Variants in CDC6 observed in about 807,000 individuals in gnomAD.
CDC6 encodes the protein DNA replication factor CDC6.
Under a neutral mutation model 60.2 loss-of-function variants are expected in CDC6, and 46 were observed. The observed-to-expected ratio is 0.76, with a 90% CI of 0.60 to 0.98. The LOEUF (loss-of-function observed/expected upper bound fraction) is 0.98, where lower values mean the gene tolerates loss of function less well. CDC6 is among the 50% of genes least tolerant of loss of function. CDC6 has a pLI of 0.00. For missense variants in CDC6, 596 were observed against 652.9 expected (o/e 0.91, Z 0.95); for synonymous variants, 210 against 233.2 (o/e 0.90, Z 0.90).
Position 40,300,927 on chromosome 17 carries a change from AAGAAGGAGC to A in CDC6, c.1351_1359del (p.Glu451_Ala453del). ...GATGGTAACAGGATGACCTTGAGCC[AAGAAGGAGC>A]ACAAGATTCCTTCCCTCTTCAGCAG... On this transcript the variant is annotated inframe_deletion, in exon 10 of 12. Coordinates refer to ENST00000209728, the MANE Select transcript of CDC6 (RefSeq NM_001254.4). 1 of 1,613,888 alleles carries A rather than the reference AAGAAGGAGC, an allele frequency of 6.2e-7. No homozygotes were observed. The highest frequency in any genetic ancestry group is 1.1e-5 in the South Asian group (1 of 91,074).
intron 7 of CDC6, 129 bp from the exon 8 acceptor site, chr17:40,295,227 C>T (rs1476175829): frequency 1.4e-6 from 1 of 731,770 alleles, no homozygotes; most frequent in East Asian, 2.5e-5. Flanking sequence ...GAAGAAAAGG[C>T]ATCTTTTTAA....
chr17:40,293,541 A>G lies in CDC6; in HGVS notation c.746A>G (p.Glu249Gly). 6.2e-7 allele frequency: 1 copy of G among 1,613,884 alleles called. No individual in the cohort carries two copies. The highest frequency in any genetic ancestry group is 8.5e-7 in the Non-Finnish European group (1 of 1,179,756). ...GCTGTATTCCCAGCTATTGCTCAGG[A>G]GATTTGTCAGGAAGAGGTATCCAGG... ...AQAVFPAIAQ[E>G]ICQEEVSRPA... Residue 249 changes from glutamate to glycine, a missense_variant, in exon 5 of 12, where the codon GAG becomes GGG. Physicochemically the swap from Glu to Gly is moderately conservative, Grantham distance 98. Coordinates refer to ENST00000209728, the MANE Select transcript of CDC6 (RefSeq NM_001254.4).
In CDC6 at chr17:40,300,887, G is replaced by C. The variant is rs771509526; in HGVS notation, c.1309G>C (p.Val437Leu). Reference protein sequence around the residue: ...KRVGLIHISQVISEVDGNRMT... With the variant: ...KRVGLIHISQLISEVDGNRMT... ...GGTTGGTCTTATTCACATATCCCAA[G>C]TCATCTCAGAAGTTGATGGTAACAG... is the stretch of plus-strand genomic sequence containing the variant. The change falls in exon 10 of 12, where the codon GTC becomes CTC. Residue 437 changes from valine (V) to leucine (L), a missense_variant. Val to Leu is a conservative substitution (Grantham distance 32). Transcript: ENST00000209728. 3.7e-6 allele frequency: 6 copies of C among 1,614,000 alleles called. No homozygotes were observed. In the African/African-American group the frequency reaches 8.0e-5, roughly 22 times the overall value.
intron 8 of CDC6, among the ~76,000 whole-genome samples, chr17:40,296,127 A>G (rs1205181961): frequency 6.6e-6 from 1 of 152,154 alleles, no homozygotes; most frequent in East Asian, 1.9e-4. Context: ...CTATTGCTAG[A>G]TTGCATGATC....
intron 7 of CDC6, 23 bp from the exon 8 acceptor site, chr17:40,295,333 C>T: frequency 6.9e-7 from 1 of 1,455,134 alleles, no homozygotes; most frequent in Non-Finnish European, 9.7e-7. Context: ...TTCAAACTGT[C>T]ATCTTCTATG....
At chr17:40,293,721 G>A (rs1191180781) in intron 5 of CDC6, 90 bp downstream of exon 5, 6 of 1,113,476 alleles carry the variant, frequency 5.4e-6, no homozygotes, top group East Asian at 2.4e-5. Flanking sequence ...TCTCTCTGAA[G>A]GATAGTTACA....
At chr17:40,290,186 A>G (rs922823551) in intron 2 of CDC6, among the ~76,000 whole-genome samples, 6 of 152,200 alleles carry the variant, frequency 3.9e-5, no homozygotes, top group Non-Finnish European at 7.3e-5. Flanking sequence ...GTTACCTTGT[A>G]GTTACATGGT....
In CDC6 at chr17:40,304,236, C is replaced by T. The variant is rs1394210041; in HGVS notation, c.*2235C>T. The stretch of plus-strand genomic sequence containing the variant: ...GCAGTTGGAACAGGGTTGGTTCTGT[C>T]AATGATGCATGAAGCAGACTTAGTG... On this transcript the variant is annotated 3_prime_UTR_variant, in exon 12 of 12. Transcript: ENST00000209728. The T allele has an allele frequency of 6.6e-6, 1 of 152,240 alleles. No individual in the cohort carries two copies. The highest frequency in any genetic ancestry group is 1.9e-4 in the East Asian group (1 of 5,200). The allele number at this position is 152,240 out of a possible 1,614,324, so 9.4% of individuals were successfully genotyped here.
intron 11 of CDC6, 57 bp from the exon 12 acceptor site, chr17:40,301,855 G>T: frequency 8.5e-7 from 1 of 1,169,932 alleles, no homozygotes; most frequent in South Asian, 1.2e-5. Flanking sequence ...TTTGTATACT[G>T]ACAACTTTGC....
chr17:40,302,005 C>T lies in CDC6; in HGVS notation c.*4C>T. 6.7e-7 allele frequency: 1 copy of T among 1,499,800 alleles called. No individual in the cohort carries two copies. The highest frequency in any genetic ancestry group is 9.3e-7 in the Non-Finnish European group (1 of 1,075,694). The allele number at this position is 1,499,800 out of a possible 1,614,324, so 92.9% of individuals were successfully genotyped here. A position where few individuals can be genotyped will look rare whatever the true frequency, so the allele number is the denominator to read the frequency against. On this transcript the variant is annotated 3_prime_UTR_variant, in exon 12 of 12. Coordinates refer to ENST00000209728, the MANE Select transcript of CDC6 (RefSeq NM_001254.4). Reference sequence around the variant, plus strand: ...CTTAGCTACTGGATTGCCTTAAATTCTTCTCTTACACCCCACCCGAAAGTA... The same window carrying T: ...CTTAGCTACTGGATTGCCTTAAATTTTTCTCTTACACCCCACCCGAAAGTA...
intron 8 of CDC6, 75 bp downstream of exon 8, chr17:40,295,531 C>A: frequency 1.9e-6 from 2 of 1,026,242 alleles, no homozygotes; most frequent in Non-Finnish European, 1.5e-6. Flanking sequence ...TCATGTAACT[C>A]AAGTGAATGT....
At chr17:40,289,753 G>T (rs1373426916) in intron 2 of CDC6, among the ~76,000 whole-genome samples, 155 bp downstream of exon 2, 4 of 138,616 alleles carry the variant, frequency 2.9e-5, no homozygotes, top group African/African-American at 1.1e-4. Flanking sequence ...CCATCTCCCA[G>T]GCTGGAGTGC....
In CDC6 at chr17:40,294,009, C is replaced by T. The variant is rs4135013; in HGVS notation, c.896C>T (p.Thr299Met). The T allele has an allele frequency of 1.1e-3, 1,838 of 1,613,968 alleles. 20 individuals are homozygous for T. The African/African-American group carries it at 0.02, about 17-fold the overall frequency. ...AGCAAAGGCCAGGATGTATTGTACA[C>T]GCTATTTGAATGGCCATGGCTAAGC... ...LDSKGQDVLY[T>M]LFEWPWLSNS... is the part of the protein sequence containing the mutation. Residue 299 changes from threonine to methionine, a missense_variant, in exon 6 of 12, where the codon ACG (threonine) becomes ATG (methionine). By Grantham distance (81) the Thr-to-Met change is moderately conservative. Coordinates refer to ENST00000209728, the MANE Select transcript of CDC6 (RefSeq NM_001254.4).
In CDC6 at chr17:40,300,963, A is replaced by T. The variant is rs1285144249; in HGVS notation, c.1385A>T (p.Lys462Met). Residue 462 changes from lysine (K) to methionine (M), a missense_variant, in exon 10 of 12, where the codon AAG (lysine) becomes ATG (methionine). Physicochemically the swap from Lys to Met is moderately conservative, Grantham distance 95 (BLOSUM62 -1). Transcript: ENST00000209728. ...GAQDSFPLQQKILVCSLMLLI... is the reference protein window; with the variant it reads ...GAQDSFPLQQMILVCSLMLLI... ...CAAGATTCCTTCCCTCTTCAGCAGA[A>T]GATCTTGGTTTGCTCTTTGATGCTC... 6.2e-7 allele frequency: 1 copy of T among 1,614,100 alleles called. No individual in the cohort carries two copies. The highest frequency in any genetic ancestry group is 1.7e-5 in the Admixed American group (1 of 60,020).
chr17:40,291,669 G>A lies in CDC6; in HGVS notation c.660+1G>A. The A allele has an allele frequency of 6.2e-7, 1 of 1,612,958 alleles. No homozygotes were observed. Among genetic ancestry groups the A allele is most frequent in the South Asian group, 1.1e-5 (1 of 91,056 alleles). On this transcript the variant is annotated splice_donor_variant, in intron 4 of 11. Coordinates refer to ENST00000209728, the MANE Select transcript of CDC6 (RefSeq NM_001254.4). LOFTEE classifies it high-confidence loss of function. The stretch of plus-strand genomic sequence containing the variant: ...AAGCCGGATTCTGCAAGACCTCAAG[G>A]TACATTGAGAGTCTGAATTATGATA...
intron 6 of CDC6, 100 bp downstream of exon 6, chr17:40,294,156 C>T (rs1384211037): frequency 6.6e-6 from 7 of 1,066,958 alleles, no homozygotes; most frequent in South Asian, 1.3e-5. Context: ...AACCAGCTTT[C>T]TGCCGTGTCA....
Position 40,303,250 on chromosome 17 carries a change from AG to A in CDC6, c.*1254del, listed in dbSNP as rs1187304022. The stretch of plus-strand genomic sequence containing the variant: ...TGAGGCTGAGGTAGTTTTGAGGGAA[AG>A]GGGGAAGTTCTAGTTTGATTTGTTT... On this transcript the variant is annotated 3_prime_UTR_variant, in exon 12 of 12. Transcript: ENST00000209728. The A allele has an allele frequency of 1.3e-5, 2 of 152,194 alleles. No individual in the cohort carries two copies. The highest frequency in any genetic ancestry group is 4.8e-5 in the African/African-American group (2 of 41,440). The allele number at this position is 152,194 out of a possible 1,614,324, so 9.4% of individuals were successfully genotyped here.
chr17:40,294,330 G>T, intron 6 of CDC6, 34 bp from the exon 7 acceptor site: 2 of 1,526,080 alleles, frequency 1.3e-6, no homozygotes, highest in South Asian at 1.1e-5. Flanking sequence ...AGGATAATTT[G>T]ACCAATGATC....
intron 1 of CDC6, 172 bp from the exon 2 acceptor site, chr17:40,289,236 G>A: frequency 3.2e-6 from 2 of 624,784 alleles, no homozygotes; most frequent in South Asian, 1.8e-5. Context: ...GACAACAAAT[G>A]TCAGCTGTTC....
Sources: gnomAD v4.1 joint callset for allele counts (sites outside exome capture counted in the v4.1 genomes callset) on GRCh38, gnomAD v4.1.1 for gene constraint, MANE v1.5 for transcripts, NCBI Gene and HGNC (gene_info 2026-07-23, HGNC 2026-07-21) for gene names.